The following KCNQ5 variants were observed in gnomAD, a reference collection of about 807,000 sequenced individuals.
KCNQ5 encodes potassium voltage-gated channel subfamily KQT member 5.
KCNQ5 carries 30 observed loss-of-function variants against 98.2 expected under a neutral mutation model. The observed-to-expected ratio is 0.31, with a 90% CI of 0.23 to 0.41. KCNQ5 has a LOEUF of 0.41. Ranked by LOEUF, KCNQ5 falls within the 10% of genes least tolerant of loss-of-function variation. The pLI is 1.00. For synonymous variants in KCNQ5, 458 were observed against 449.4 expected (o/e 1.02, Z -0.24); for missense variants, 835 against 1,182.5 (o/e 0.71, Z 4.31).
At chr6:73,178,099 C>A (rs998293847) in intron 11 of KCNQ5, among the ~76,000 whole-genome samples, 1 of 151,484 alleles carries the variant, frequency 6.6e-6, no homozygotes, top group Non-Finnish European at 1.5e-5. Context: ...TTATTCATTT[C>A]ACACTTTATT....
intron 1 of KCNQ5, among the ~76,000 whole-genome samples, chr6:72,835,362 G>A (rs537712143): frequency 6.6e-6 from 1 of 152,062 alleles, no homozygotes; most frequent in Non-Finnish European, 1.5e-5. Flanking sequence ...TTCATAATCT[G>A]GCTAATTAAA....
chr6:72,623,391 A>AGTGTGT (rs1214797915), intron 1 of KCNQ5, among the ~76,000 whole-genome samples: 16,991 of 142,990 alleles, frequency 0.12, 1,137 homozygotes, highest in African/African-American at 0.16. Context: ...GGAGTCAAAG[A>AGTGTGT]GTGTGTGTGT....
At chr6:72,677,822 G>A (rs901622956) in intron 1 of KCNQ5, among the ~76,000 whole-genome samples, 10 of 152,162 alleles carry the variant, frequency 6.6e-5, no homozygotes, top group African/African-American at 2.2e-4. Flanking sequence ...ACAAAGTTGA[G>A]TGAGCAGACT....
At chr6:73,055,559 G>T in intron 3 of KCNQ5, 1 of 1,431,884 alleles carries the variant, frequency 7.0e-7, no homozygotes, top group Non-Finnish European at 9.8e-7. Flanking sequence ...GAGTCTGAAG[G>T]ACACTATTGC....
chr6:72,977,464 A>G (rs751198011), intron 1 of KCNQ5, among the ~76,000 whole-genome samples: 1 of 152,208 alleles, frequency 6.6e-6, no homozygotes, highest in African/African-American at 2.4e-5. Flanking sequence ...TAAAAGCCAG[A>G]TGAATGAGTC....
At chr6:72,984,446 G>A (rs1024875589) in intron 1 of KCNQ5, among the ~76,000 whole-genome samples, 13 of 152,172 alleles carry the variant, frequency 8.5e-5, no homozygotes, top group East Asian at 5.8e-4. Context: ...CCAGGCTGCC[G>A]CCTCACAGTT....
At chr6:72,706,035 T>C (rs1252190854) in intron 1 of KCNQ5, among the ~76,000 whole-genome samples, 1 of 152,112 alleles carries the variant, frequency 6.6e-6, no homozygotes, top group Non-Finnish European at 1.5e-5. Flanking sequence ...AAATCTTTGC[T>C]GCAGAGCTGA....
At chr6:73,057,487 T>A (rs892396158) in intron 3 of KCNQ5, among the ~76,000 whole-genome samples, 7 of 151,520 alleles carry the variant, frequency 4.6e-5, no homozygotes, top group Non-Finnish European at 7.4e-5. Context: ...AGTAAAAAAA[T>A]AAATAAATAA....
chr6:72,696,694 A>G (rs1768523070), intron 1 of KCNQ5, among the ~76,000 whole-genome samples: 1 of 152,202 alleles, frequency 6.6e-6, no homozygotes, highest in Non-Finnish European at 1.5e-5. Context: ...AGACTTAAAA[A>G]TATATAGTAA....
chr6:72,802,610 A>G (rs541009333), intron 1 of KCNQ5, among the ~76,000 whole-genome samples: 4 of 152,270 alleles, frequency 2.6e-5, no homozygotes, highest in African/African-American at 9.6e-5. Flanking sequence ...TCATTTTGGT[A>G]ACATAGATCG....
chr6:73,028,644 C>G (rs894188751), intron 2 of KCNQ5, among the ~76,000 whole-genome samples: 2 of 152,194 alleles, frequency 1.3e-5, no homozygotes, highest in African/African-American at 2.4e-5. Context: ...TGCACTTTCT[C>G]TCTCCAATAC....
At chr6:72,997,876 C>T (rs899395093) in intron 1 of KCNQ5, among the ~76,000 whole-genome samples, 8 of 150,068 alleles carry the variant, frequency 5.3e-5, no homozygotes, top group African/African-American at 1.7e-4. Context: ...AGGTTCATTG[C>T]ACTTGAAAAG....
intron 3 of KCNQ5, among the ~76,000 whole-genome samples, chr6:73,042,827 A>G (rs1771773696): frequency 6.6e-6 from 1 of 152,218 alleles, no homozygotes; most frequent in South Asian, 2.1e-4. Context: ...ATTTAAAAGT[A>G]TTATAAAATG....
chr6:72,631,041 T>C (rs894391440), intron 1 of KCNQ5, among the ~76,000 whole-genome samples: 2 of 152,092 alleles, frequency 1.3e-5, no homozygotes, highest in Non-Finnish European at 2.9e-5. Context: ...GGTGTGACAA[T>C]AGAGTTGAAA....
At chr6:72,708,737 G>A (rs947469247) in intron 1 of KCNQ5, among the ~76,000 whole-genome samples, 1 of 152,058 alleles carries the variant, frequency 6.6e-6, no homozygotes, top group African/African-American at 2.4e-5. Flanking sequence ...GCCCCGCCTG[G>A]TCTCCTGAGC....
At position 72,853,404 on chromosome 6, in the gene KCNQ5, T is replaced by C. The variant is rs544635254; in HGVS notation, c.399-150504T>C. 3.9e-5 allele frequency among the ~76,000 whole-genome samples: 6 copies of C among 152,220 alleles called. No individual in the cohort carries two copies. In the South Asian group the frequency reaches 1.2e-3, roughly 32 times the overall value. On this transcript the variant is annotated intron_variant, in intron 1 of 13. Transcript: ENST00000370398. ...TGTTGCCCAGGCTGGATTGCGGTGGTGCCATCGCAGCTCACTGAAACTGTC... is the reference window on the plus strand; with the variant it reads ...TGTTGCCCAGGCTGGATTGCGGTGGCGCCATCGCAGCTCACTGAAACTGTC...
chr6:73,049,679 A>G (rs1446241258), intron 3 of KCNQ5, among the ~76,000 whole-genome samples: 1 of 152,246 alleles, frequency 6.6e-6, no homozygotes, highest in Non-Finnish European at 1.5e-5. Flanking sequence ...TGTCTTTTCA[A>G]GATCCGTATT....
chr6:72,722,550 A>C (rs77097785), intron 1 of KCNQ5, among the ~76,000 whole-genome samples: 1,751 of 152,284 alleles, frequency 0.011, 28 homozygotes, highest in African/African-American at 0.039. Flanking sequence ...TCATTTGTAT[A>C]AATCGCATCA....
intron 1 of KCNQ5, among the ~76,000 whole-genome samples, chr6:72,653,226 G>C (rs1246126717): frequency 6.6e-6 from 1 of 151,806 alleles, no homozygotes; most frequent in Non-Finnish European, 1.5e-5. Flanking sequence ...CAGGTTGTCA[G>C]AATCAGTGGA....
Sources: allele counts gnomAD v4.1 joint callset (sites outside exome capture counted in the v4.1 genomes callset), GRCh38; gene constraint gnomAD v4.1.1; transcripts MANE v1.5; gene names NCBI Gene and HGNC (gene_info 2026-07-23, HGNC 2026-07-21).